GIT1: variants seen among roughly 807,000 people sequenced by gnomAD.
The protein encoded by GIT1 is GIT ArfGAP 1, also known as ARF GTPase-activating protein GIT1.
A neutral mutation model predicts 91.7 loss-of-function variants in GIT1; 14 were observed. The ratio of observed to expected loss-of-function variants is 0.15; its 90% confidence interval spans 0.10 to 0.24. The LOEUF is 0.24. GIT1 is among the 10% of genes least tolerant of loss of function. The pLI is 1.00. For missense variants in GIT1, 717 were observed against 1,024.9 expected, an observed-to-expected ratio of 0.70 and a Z score of 4.10; for synonymous variants, 414 against 418.2, an observed-to-expected ratio of 0.99 and a Z score of 0.12.
At chr17:29,577,505 C>A in intron 10 of GIT1, 140 bp downstream of exon 10, 1 of 721,012 alleles carries the variant, frequency 1.4e-6, no homozygotes. Flanking sequence ...CTGACCTTCC[C>A]AAATCCCAGT....
chr17:29,575,102 C>T lies in GIT1; in HGVS notation c.2050G>A (p.Glu684Lys), dbSNP rs1450513540. The T allele has an allele frequency of 1.2e-5, 19 of 1,599,826 alleles. No homozygotes were observed. Among genetic ancestry groups the T allele is most frequent in the Non-Finnish European group, 1.6e-5 (19 of 1,169,248 alleles). The change falls in exon 19 of 20, where the codon GAG (glutamate) becomes AAG (lysine). Residue 684 changes from glutamate to lysine, a missense_variant. By Grantham distance (56) the Glu-to-Lys change is moderately conservative. Transcript: ENST00000225394. The surrounding 1 kb of genome is among the most constrained non-coding windows in gnomAD (Gnocchi z 5.5). ...ACCTTTGGGAAGAGGGAGGCCATCTCGGTCACAGCCAAATGGATCTTCTCT... is the reference window on the plus strand; with the variant it reads ...ACCTTTGGGAAGAGGGAGGCCATCTTGGTCACAGCCAAATGGATCTTCTCT... ...CSEKIHLAVT[E>K]MASLFPKRPA...
At position 29,578,280 on chromosome 17, in the gene GIT1, C is replaced by T. The variant is rs1415075170; in HGVS notation, c.883+19G>A. On this transcript the variant is annotated intron_variant, in intron 9 of 19. Transcript: ENST00000225394. The stretch of plus-strand genomic sequence containing the variant: ...CCGCTCGGGTCCTCCACGCCAGACA[C>T]TCCTGCTCCCTGACTCACCTGCATC... 1.9e-6 allele frequency: 3 copies of T among 1,605,866 alleles called. No individual in the cohort carries two copies. The highest frequency in any genetic ancestry group is 1.1e-5 in the South Asian group (1 of 90,908).
chr17:29,581,743 C>A lies in GIT1; in HGVS notation c.717G>T (p.Pro239=), dbSNP rs147133519. 4.7e-5 allele frequency: 76 copies of A among 1,608,758 alleles called. No homozygotes were observed. The highest frequency in any genetic ancestry group is 6.4e-5 in the Non-Finnish European group (75 of 1,179,198). The change falls in exon 6 of 20, where the codon CCG becomes CCT. Residue 239 remains proline (P), a splice_region_variant and synonymous_variant. Transcript: ENST00000225394. The surrounding 1 kb of genome is among the most constrained non-coding windows in gnomAD (Gnocchi z 4.8). Reference sequence around the variant, plus strand: ...AGGCGCCCCCCAAGCTCTGCTCACCCGGCTTGCGTCCACAGAGGTAGAAGG... The same window carrying A: ...AGGCGCCCCCCAAGCTCTGCTCACCAGGCTTGCGTCCACAGAGGTAGAAGG... ...RLAFYLCGRK[P]DHKNGHYIIP...
chr17:29,577,173 C>G lies in GIT1; in HGVS notation c.1056G>C (p.Lys352Asn), dbSNP rs760872380. Residue 352 changes from lysine to asparagine, a missense_variant, in exon 11 of 20, where the codon AAG (lysine) becomes AAC (asparagine). This residue lies in a region of GIT1 where 312 missense variants were observed against 349.5 expected (regional missense o/e 0.89). Transcript: ENST00000225394. ...TLIIDILSEA[K>N]RRQQGKSLSS... ...TCAGGCTCTTGCCCTGCTGTCTCCG[C>G]TTGGCCTCACTGAGAATGTCGATGA... 6.2e-7 allele frequency: 1 copy of G among 1,613,888 alleles called. No individual in the cohort carries two copies. Among genetic ancestry groups the G allele is most frequent in the African/African-American group, 1.3e-5 (1 of 74,934 alleles).
chr17:29,582,785 G>C lies in GIT1; in HGVS notation c.318C>G (p.Phe106Leu). The C allele has an allele frequency of 6.2e-7, 1 of 1,613,392 alleles. No individual in the cohort carries two copies. The highest frequency in any genetic ancestry group is 1.7e-5 in the Admixed American group (1 of 60,032). The change falls in exon 4 of 20, where the codon TTC becomes TTG. Residue 106 changes from phenylalanine to leucine, a missense_variant. Physicochemically the swap from Phe to Leu is conservative, Grantham distance 22 (BLOSUM62 0). Coordinates refer to ENST00000225394, the MANE Select transcript of GIT1 (RefSeq NM_014030.4). ...CCAGCATCTGGTACTTGGCCCTGAT[G>C]AACTCTGACTTGATGGGGCTGCATG... ...QDKVHPIKSEFIRAKYQMLAF... is the reference protein window; with the variant it reads ...QDKVHPIKSELIRAKYQMLAF...
intron 7 of GIT1, chr17:29,579,104 G>C: frequency 1.2e-6 from 1 of 858,002 alleles, no homozygotes; most frequent in Non-Finnish European, 2.0e-6. Context: ...CGCACACCCG[G>C]CCCAGAAGGG....
Position 29,576,468 on chromosome 17 carries a change from T to C in GIT1, c.1381-18A>G. ...TTGTGGATCTATGGGTGCAAAGTGC[T>C]GTCAACCCCCTGGAGTCCTGGGGCT... On this transcript the variant is annotated intron_variant, in intron 13 of 19. Transcript: ENST00000225394. The C allele has an allele frequency of 1.2e-6, 2 of 1,612,930 alleles. No individual in the cohort carries two copies. Among genetic ancestry groups the C allele is most frequent in the South Asian group, 1.1e-5 (1 of 91,068 alleles).
At position 29,583,603 on chromosome 17, in the gene GIT1, T is replaced by C. The variant is rs750770705; in HGVS notation, c.66A>G (p.Ala22=). 17 of 1,596,036 alleles carry C rather than the reference T, an allele frequency of 1.1e-5. No individual in the cohort carries two copies. The highest frequency in any genetic ancestry group is 5.2e-5 in the Admixed American group (3 of 57,628). Residue 22 remains alanine, a synonymous_variant, in exon 2 of 20, where the codon GCA becomes GCG. Coordinates refer to ENST00000225394, the MANE Select transcript of GIT1 (RefSeq NM_014030.4). ...ADCSAPDPGW[A]SISRGVLVCD... ...ACACCAGCACACCCCTGCTGATGGA[T>C]GCCCAGCCAGGGTCTGCCAGGGTGA...
rs768332520 is a variant in GIT1, at chr17:29,576,399, C to T, written c.1432G>A (p.Val478Met). The change falls in exon 14 of 20, where the codon GTG becomes ATG. Residue 478 changes from valine to methionine, a missense_variant. Coordinates refer to ENST00000225394, the MANE Select transcript of GIT1 (RefSeq NM_014030.4). Reference protein sequence around the residue: ...NLQLRQPPGPVPTPPLPSERA... With the variant: ...NLQLRQPPGPMPTPPLPSERA... ...TCACTGGGGAGTGGAGGTGTGGGCACCGGCCCTGGAGGCTGCCGGAGCTGC... is the reference window on the plus strand; with the variant it reads ...TCACTGGGGAGTGGAGGTGTGGGCATCGGCCCTGGAGGCTGCCGGAGCTGC... 7.4e-6 allele frequency: 12 copies of T among 1,613,352 alleles called. No homozygotes were observed. Among genetic ancestry groups the T allele is most frequent in the Non-Finnish European group, 1.0e-5 (12 of 1,179,920 alleles).
At chr17:29,580,371 A>G (rs779176052) in intron 7 of GIT1, among the ~76,000 whole-genome samples, 14 of 152,234 alleles carry the variant, frequency 9.2e-5, no homozygotes, top group Non-Finnish European at 1.8e-4. Context: ...TGAGTCGCCC[A>G]GGCCTGGTTA....
At position 29,581,463 on chromosome 17, in the gene GIT1, G is replaced by C. The variant is rs959598913; in HGVS notation, c.719-83C>G. On this transcript the variant is annotated intron_variant, in intron 6 of 19. Transcript: ENST00000225394. The surrounding 1 kb of genome is among the most constrained non-coding windows in gnomAD (Gnocchi z 4.8). ...GGAGCCCACCTCACTGCCATGAGCA[G>C]GGCTGGCACCCAGAAGTGTCAGGGG... The C allele has an allele frequency of 1.8e-6, 2 of 1,092,872 alleles. No individual in the cohort carries two copies. The highest frequency in any genetic ancestry group is 2.8e-6 in the Non-Finnish European group (2 of 707,634). 67.7% of individuals were successfully genotyped at this position (1,092,872 alleles called of 1,614,324 possible).
At position 29,582,158 on chromosome 17, in the gene GIT1, A is replaced by T. The variant is rs2033420335; in HGVS notation, c.406-14T>A. Reference sequence around the variant, plus strand: ...CGAGTGTAGTTGCTAAGAGGAGCAGAGTGTGCAGTGAATACGCATGTGCGT... The same window carrying T: ...CGAGTGTAGTTGCTAAGAGGAGCAGTGTGTGCAGTGAATACGCATGTGCGT... On this transcript the variant is annotated splice_polypyrimidine_tract_variant and intron_variant, in intron 4 of 19. Transcript: ENST00000225394. The T allele has an allele frequency of 3.2e-6, 5 of 1,538,930 alleles. No individual in the cohort carries two copies. The highest frequency in any genetic ancestry group is 1.9e-5 in the Admixed American group (1 of 52,180).
At chr17:29,577,869 G>A in intron 9 of GIT1, 127 bp from the exon 10 acceptor site, 3 of 667,110 alleles carry the variant, frequency 4.5e-6, no homozygotes, top group South Asian at 3.4e-5. Context: ...CAGAACAGGG[G>A]TGGTCTTTGG....
chr17:29,580,596 G>T (rs377093940), intron 7 of GIT1, among the ~76,000 whole-genome samples: 1 of 152,138 alleles, frequency 6.6e-6, no homozygotes, highest in African/African-American at 2.4e-5. Flanking sequence ...CTCAGCGCAC[G>T]TGCCTAATTC....
chr17:29,582,154 G>A lies in GIT1; in HGVS notation c.406-10C>T. On this transcript the variant is annotated splice_polypyrimidine_tract_variant and intron_variant, in intron 4 of 19. Coordinates refer to ENST00000225394, the MANE Select transcript of GIT1 (RefSeq NM_014030.4). ...CGCTCGAGTGTAGTTGCTAAGAGGA[G>A]CAGAGTGTGCAGTGAATACGCATGT... is the stretch of plus-strand genomic sequence containing the variant. 1 of 1,541,854 alleles carries A rather than the reference G, an allele frequency of 6.5e-7. No homozygotes were observed. The highest frequency in any genetic ancestry group is 1.4e-5 in the African/African-American group (1 of 73,410).
At chr17:29,578,920 T>C in intron 7 of GIT1, 141 bp from the exon 8 acceptor site, 1 of 1,606,760 alleles carries the variant, frequency 6.2e-7, no homozygotes, top group Non-Finnish European at 8.5e-7. Flanking sequence ...CTCCCCGCCC[T>C]ACCCCACCTT....
intron 1 of GIT1, among the ~76,000 whole-genome samples, chr17:29,585,953 G>C (rs2033582523): frequency 6.6e-6 from 1 of 152,182 alleles, no homozygotes; most frequent in Non-Finnish European, 1.5e-5. Flanking sequence ...CTACTACGGT[G>C]AATTCCTGCC....
chr17:29,576,423 G>C lies in GIT1; in HGVS notation c.1408C>G (p.Gln470Glu), dbSNP rs1262344415. The C allele has an allele frequency of 6.2e-7, 1 of 1,612,986 alleles. No homozygotes were observed. Among genetic ancestry groups the C allele is most frequent in the Non-Finnish European group, 8.5e-7 (1 of 1,179,712 alleles). ...ACCGGCCCTGGAGGCTGCCGGAGCTGCAGGTTCTCCGCCTGCAGCTTGTGG... is the reference window on the plus strand; with the variant it reads ...ACCGGCCCTGGAGGCTGCCGGAGCTCCAGGTTCTCCGCCTGCAGCTTGTGG... ...EIHKLQAENL[Q>E]LRQPPGPVPT... The change falls in exon 14 of 20, where the codon CAG becomes GAG. Residue 470 changes from glutamine (Q) to glutamate (E), a missense_variant. Around this residue, in one of 3 missense-constraint regions of GIT1, gnomAD observed 312 missense variants for 349.5 expected, o/e 0.89. Coordinates refer to ENST00000225394, the MANE Select transcript of GIT1 (RefSeq NM_014030.4).
intron 19 of GIT1, 28 bp from the exon 20 acceptor site, chr17:29,574,942 C>T: frequency 6.5e-7 from 1 of 1,534,048 alleles, no homozygotes; most frequent in Non-Finnish European, 8.8e-7. Context: ...GAGGCTGGAC[C>T]TTGGACTTTA....
Sources: allele counts gnomAD v4.1 joint callset (sites outside exome capture counted in the v4.1 genomes callset), GRCh38; gene constraint gnomAD v4.1.1; regional missense constraint gnomAD v4.1.1; non-coding constraint Gnocchi (gnomAD v3.1); transcripts MANE v1.5; gene names NCBI Gene and HGNC (gene_info 2026-07-23, HGNC 2026-07-21).